The following GLIS3 variants were observed in gnomAD, a reference collection of about 807,000 sequenced individuals.
The protein encoded by GLIS3 is GLIS family zinc finger 3.
In GLIS3, 53 loss-of-function variants were observed where a neutral mutation model predicts 78.6. The observed-to-expected ratio is 0.67, with a 90% CI of 0.54 to 0.85. The LOEUF is 0.85. Ranked by LOEUF, GLIS3 falls within the 40% of genes least tolerant of loss-of-function variation. The pLI is 0.00. For synonymous variants in GLIS3, 684 were observed against 509.9 expected, an observed-to-expected ratio of 1.34 and a Z score of -4.60; for missense variants, 1,703 against 1,231.1, an observed-to-expected ratio of 1.38 and a Z score of -5.74.
intron 2 of GLIS3, among the ~76,000 whole-genome samples, chr9:4,243,617 G>T (rs1383922174): frequency 6.6e-6 from 1 of 152,190 alleles, no homozygotes; most frequent in Non-Finnish European, 1.5e-5. Context: ...TTGGAAGAAA[G>T]ATTTAATAGC....
At chr9:4,418,188 G>A in the GLIS3 span, among the ~76,000 whole-genome samples, 5 of 152,224 alleles carry the variant, frequency 3.3e-5, no homozygotes, top group African/African-American at 1.2e-4. Flanking sequence ...ATAGCCAGAT[G>A]TCCTTTGAAG....
the GLIS3 span, among the ~76,000 whole-genome samples, chr9:4,359,950 C>G: frequency 6.6e-6 from 1 of 150,492 alleles, no homozygotes; most frequent in East Asian, 1.9e-4. Context: ...CATTTATTTT[C>G]TGTATATATT....
chr9:3,963,358 C>T (rs902991519), intron 4 of GLIS3, among the ~76,000 whole-genome samples: 2 of 152,150 alleles, frequency 1.3e-5, no homozygotes, highest in Admixed American at 6.5e-5. Context: ...TGAGAGTATG[C>T]TGGAATATTG....
At chr9:4,405,027 G>C in the GLIS3 span, among the ~76,000 whole-genome samples, 4 of 152,282 alleles carry the variant, frequency 2.6e-5, no homozygotes, top group African/African-American at 9.6e-5. Context: ...AATCAGAGAT[G>C]AAAAAGGAGA....
intron 4 of GLIS3, among the ~76,000 whole-genome samples, chr9:4,086,918 T>C (rs1215234853): frequency 6.6e-6 from 1 of 152,196 alleles, no homozygotes; most frequent in East Asian, 1.9e-4. Flanking sequence ...TTTAGAGACA[T>C]GTCCTCCACA....
chr9:4,170,055 G>T (rs79762890), intron 2 of GLIS3, among the ~76,000 whole-genome samples: 1,569 of 152,262 alleles, frequency 0.01, 16 homozygotes, highest in Non-Finnish European at 0.016. Context: ...GTAAATCACG[G>T]ATATAGAAAC....
At chr9:3,833,578 A>G (rs1818176074) in intron 9 of GLIS3, among the ~76,000 whole-genome samples, 1 of 152,226 alleles carries the variant, frequency 6.6e-6, no homozygotes, top group African/African-American at 2.4e-5. Context: ...CCGTCAGTCA[A>G]TAGTGGCTAT....
chr9:3,856,522 T>C (rs1819802805), intron 8 of GLIS3, among the ~76,000 whole-genome samples: 1 of 152,236 alleles, frequency 6.6e-6, no homozygotes, highest in South Asian at 2.1e-4. Context: ...CTTTTTCTGC[T>C]AATTTTTAAA....
chr9:4,434,014 T>C, the GLIS3 span, among the ~76,000 whole-genome samples: 4 of 148,382 alleles, frequency 2.7e-5, no homozygotes, highest in Non-Finnish European at 5.9e-5. Context: ...GAGAATGGAG[T>C]GAACCCAGGA....
intron 2 of GLIS3, among the ~76,000 whole-genome samples, chr9:4,235,473 G>A (rs1176935828): frequency 6.6e-6 from 1 of 152,156 alleles, no homozygotes; most frequent in Non-Finnish European, 1.5e-5. Flanking sequence ...ATTCAGCCAT[G>A]CTGGAATTAT....
the GLIS3 span, among the ~76,000 whole-genome samples, chr9:4,467,983 G>A: frequency 3.9e-5 from 6 of 152,194 alleles, no homozygotes; most frequent in Non-Finnish European, 8.8e-5. Flanking sequence ...TGAGAACTAC[G>A]TGACACAGGC....
At chr9:3,897,075 A>G (rs867102244) in intron 7 of GLIS3, among the ~76,000 whole-genome samples, 4 of 152,232 alleles carry the variant, frequency 2.6e-5, no homozygotes, top group African/African-American at 7.2e-5. Flanking sequence ...GACAGTTTCG[A>G]AAATGAGCCA....
chr9:4,415,057 A>G, the GLIS3 span, among the ~76,000 whole-genome samples: 9 of 152,196 alleles, frequency 5.9e-5, no homozygotes, highest in African/African-American at 2.2e-4. Flanking sequence ...TGCTTCAACT[A>G]CTACTCAACT....
intron 4 of GLIS3, among the ~76,000 whole-genome samples, chr9:4,075,396 T>C (rs1210630669): frequency 1.2e-5 from 1 of 86,660 alleles, no homozygotes; most frequent in African/African-American, 4.1e-5. Flanking sequence ...GTGAAACCCG[T>C]CTCTACTAAA....
the GLIS3 span, among the ~76,000 whole-genome samples, chr9:4,467,870 C>T: frequency 6.6e-6 from 1 of 152,054 alleles, no homozygotes; most frequent in Non-Finnish European, 1.5e-5. Flanking sequence ...AAACCCATCA[C>T]AAAGAAGCTA....
chr9:3,892,164 G>C (rs1326255496), intron 7 of GLIS3, among the ~76,000 whole-genome samples: 1 of 152,074 alleles, frequency 6.6e-6, no homozygotes, highest in African/African-American at 2.4e-5. Flanking sequence ...GACATGAGCA[G>C]CTAAGTTCAC....
intron 2 of GLIS3, among the ~76,000 whole-genome samples, chr9:4,188,545 T>G (rs1441595515): frequency 1.3e-5 from 2 of 151,896 alleles, no homozygotes; most frequent in Non-Finnish European, 2.9e-5. Context: ...CTTTTTCTAT[T>G]GATTGGAATA....
At chr9:4,149,827 A>C (rs1245181586) in intron 2 of GLIS3, among the ~76,000 whole-genome samples, 1 of 152,242 alleles carries the variant, frequency 6.6e-6, no homozygotes. Flanking sequence ...TAGGATAAAA[A>C]AGCTACTGAG....
Position 4,280,554 on chromosome 9 carries a change from A to T in GLIS3, c.388+5484T>A, listed in dbSNP as rs137931111. Among the ~76,000 whole-genome samples the T allele has an allele frequency of 2.0e-3, 299 of 152,360 alleles. 1 individual carries two copies. The highest frequency in any genetic ancestry group is 3.5e-3 in the Non-Finnish European group (241 of 68,042). ...GTATAATACAACACAAAACAGCAGAAGGCCAGATCAAACTTTAAAAAATGA... is the reference window on the plus strand; with the variant it reads ...GTATAATACAACACAAAACAGCAGATGGCCAGATCAAACTTTAAAAAATGA... On this transcript the variant is annotated intron_variant, in intron 2 of 10. Coordinates refer to ENST00000381971, the MANE Select transcript of GLIS3 (RefSeq NM_001042413.2).
Sources: allele counts gnomAD v4.1 joint callset (sites outside exome capture counted in the v4.1 genomes callset), GRCh38; gene constraint gnomAD v4.1.1; transcripts MANE v1.5; gene names NCBI Gene and HGNC (gene_info 2026-07-23, HGNC 2026-07-21).